VAV3: variants seen among roughly 807,000 people sequenced by gnomAD.
VAV3 encodes guanine nucleotide exchange factor VAV3.
In VAV3, 94 loss-of-function variants were observed where a neutral mutation model predicts 131.2. That is an observed-to-expected ratio of 0.72 (90% CI 0.61 to 0.85). The LOEUF (loss-of-function observed/expected upper bound fraction) is 0.85. Among genes scored for constraint, VAV3 ranks in the 40% least tolerant of loss-of-function variants. The pLI, the probability that VAV3 is intolerant of heterozygous loss-of-function variation, is 0.00. For missense variants in VAV3, 939 were observed against 1,002.7 expected, an observed-to-expected ratio of 0.94 and a Z score of 0.86; for synonymous variants, 349 against 342.0, an observed-to-expected ratio of 1.02 and a Z score of -0.22.
intron 19 of VAV3, among the ~76,000 whole-genome samples, chr1:107,644,935 AGT>A (rs1655623824): frequency 1.6e-5 from 1 of 63,844 alleles, no homozygotes; most frequent in Non-Finnish European, 4.1e-5. Flanking sequence ...TGTATACACT[AGT>A]ATACTCTGTA....
intron 15 of VAV3, among the ~76,000 whole-genome samples, chr1:107,725,640 G>A (rs1406340073): frequency 6.6e-6 from 1 of 151,938 alleles, no homozygotes; most frequent in Non-Finnish European, 1.5e-5. Context: ...TCAGCCTCCC[G>A]AGTAGCTGGG....
intron 20 of VAV3, among the ~76,000 whole-genome samples, chr1:107,627,798 G>A (rs1654141071): frequency 6.6e-6 from 1 of 152,052 alleles, no homozygotes; most frequent in Non-Finnish European, 1.5e-5. Flanking sequence ...ATACTTTAAT[G>A]GTCTTTCAAA....
chr1:107,856,034 G>A (rs575705703), intron 2 of VAV3, among the ~76,000 whole-genome samples: 3 of 152,332 alleles, frequency 2.0e-5, no homozygotes, highest in African/African-American at 7.2e-5. Context: ...AAGCACAGCT[G>A]GGCATGTTCT....
At position 107,573,158 on chromosome 1, in the gene VAV3, C is replaced by A. The variant is rs143546591; in HGVS notation, c.*173G>T. The A allele has an allele frequency of 5.5e-4, 387 of 697,470 alleles. 3 individuals are homozygous for A. In the Middle Eastern group the frequency reaches 0.013, roughly 23 times the overall value. 43.2% of individuals were successfully genotyped at this position (697,470 alleles called of 1,614,324 possible). A position where few individuals can be genotyped will look rare whatever the true frequency, so the allele number is the denominator to read the frequency against. ...TAGGCAAGCCATTAATCTGTCAGTA[C>A]CAGCATCTTTAGAAATCTCAGCATT... On this transcript the variant is annotated 3_prime_UTR_variant, in exon 27 of 27. Transcript: ENST00000370056.
intron 15 of VAV3, among the ~76,000 whole-genome samples, chr1:107,715,874 G>C (rs1391542450): frequency 6.6e-6 from 1 of 152,160 alleles, no homozygotes; most frequent in Non-Finnish European, 1.5e-5. Flanking sequence ...AGCTGGCACA[G>C]TGAATTTAAG....
At chr1:107,622,759 C>A (rs886257229) in intron 20 of VAV3, among the ~76,000 whole-genome samples, 2 of 152,106 alleles carry the variant, frequency 1.3e-5, no homozygotes, top group African/African-American at 4.8e-5. Flanking sequence ...CGACTGTCAC[C>A]CTGCCCAGTC....
intron 2 of VAV3, among the ~76,000 whole-genome samples, chr1:107,797,488 A>G (rs1666603801): frequency 6.6e-6 from 1 of 152,228 alleles, no homozygotes; most frequent in African/African-American, 2.4e-5. Context: ...TCAAATTTGA[A>G]GAACTACAAA....
chr1:107,741,119 G>A (rs996353197), intron 15 of VAV3, among the ~76,000 whole-genome samples: 1 of 152,196 alleles, frequency 6.6e-6, no homozygotes, highest in Non-Finnish European at 1.5e-5. Context: ...TTAGAACTCC[G>A]ACAGCTTCAT....
chr1:107,875,012 G>A lies in VAV3; in HGVS notation c.210C>T (p.Leu70=), dbSNP rs370815345. 3.2e-5 allele frequency: 51 copies of A among 1,612,124 alleles called. No homozygotes were observed. Among genetic ancestry groups the A allele is most frequent in the East Asian group, 1.3e-4 (6 of 44,846 alleles). ...GAAATGTCCTTATGTTCTTCAAACAGAGAAACTGAGGAATGGAAAAGAGCT... is the reference window on the plus strand; with the variant it reads ...GAAATGTCCTTATGTTCTTCAAACAAAGAAACTGAGGAATGGAAAAGAGCT... ...INLRPQMSQF[L]CLKNIRTFLT... Residue 70 remains leucine (L), a synonymous_variant, in exon 2 of 27, where the codon CTC becomes CTT. Coordinates refer to ENST00000370056, the MANE Select transcript of VAV3 (RefSeq NM_006113.5).
At chr1:107,585,713 T>A (rs748004480) in intron 25 of VAV3, among the ~76,000 whole-genome samples, 2 of 152,148 alleles carry the variant, frequency 1.3e-5, no homozygotes, top group Non-Finnish European at 2.9e-5. Flanking sequence ...ACTAGTGCCA[T>A]GTGATGGTGA....
intron 6 of VAV3, among the ~76,000 whole-genome samples, chr1:107,769,312 CTCTA>C (rs34725601): frequency 0.16 from 23,762 of 152,086 alleles, 2,003 homozygotes; most frequent in East Asian, 0.35. Flanking sequence ...TATTTTGTGA[CTCTA>C]TCTAAGAAGT....
intron 19 of VAV3, among the ~76,000 whole-genome samples, chr1:107,660,098 C>G (rs1051590688): frequency 5.3e-5 from 8 of 152,166 alleles, no homozygotes; most frequent in Non-Finnish European, 1.2e-4. Flanking sequence ...AATTCACCTT[C>G]AATTTACTCA....
rs1383939903 is a variant in VAV3 at position 107,958,016 on chromosome 1, C to T, written c.204+6650G>A. 2.0e-5 allele frequency among the ~76,000 whole-genome samples: 3 copies of T among 152,188 alleles called. No homozygotes were observed. In the East Asian group the frequency reaches 5.8e-4, roughly 29 times the overall value. ...AGAGAACCTAGGTTAAGCCACCAATCACGCAGACAGAACAAGTGCTTAAGA... is the reference window on the plus strand; with the variant it reads ...AGAGAACCTAGGTTAAGCCACCAATTACGCAGACAGAACAAGTGCTTAAGA... On this transcript the variant is annotated intron_variant, in intron 1 of 26. Coordinates refer to ENST00000370056, the MANE Select transcript of VAV3 (RefSeq NM_006113.5).
At chr1:107,770,894 T>C (rs1052933386) in intron 5 of VAV3, among the ~76,000 whole-genome samples, 166 bp from the exon 6 acceptor site, 1 of 152,188 alleles carries the variant, frequency 6.6e-6, no homozygotes, top group African/African-American at 2.4e-5. Flanking sequence ...GCTGTTTTTA[T>C]AAAAATCGTG....
intron 22 of VAV3, among the ~76,000 whole-genome samples, chr1:107,604,230 C>T (rs1201493223): frequency 6.6e-6 from 1 of 152,096 alleles, no homozygotes; most frequent in Non-Finnish European, 1.5e-5. Context: ...CACATATAGA[C>T]CCACGTAACT....
intron 1 of VAV3, among the ~76,000 whole-genome samples, chr1:107,914,768 A>G (rs1036667191): frequency 1.3e-5 from 2 of 152,196 alleles, no homozygotes; most frequent in Admixed American, 6.5e-5. Context: ...ATGGTCCTAT[A>G]GCCAGCACTG....
At chr1:107,676,354 A>G (rs1242784022) in intron 19 of VAV3, among the ~76,000 whole-genome samples, 2 of 152,202 alleles carry the variant, frequency 1.3e-5, no homozygotes, top group Non-Finnish European at 2.9e-5. Flanking sequence ...TACTGAGAGA[A>G]AGATGTTCTA....
intron 2 of VAV3, among the ~76,000 whole-genome samples, chr1:107,858,019 C>T (rs1571052394): frequency 1.3e-5 from 2 of 152,102 alleles, no homozygotes; most frequent in South Asian, 4.2e-4. Flanking sequence ...AAATGTTAAT[C>T]CTGAACAAAC....
At chr1:107,851,758 C>A (rs1178356540) in intron 2 of VAV3, among the ~76,000 whole-genome samples, 2 of 152,136 alleles carry the variant, frequency 1.3e-5, no homozygotes, top group Non-Finnish European at 2.9e-5. Context: ...CACCATTAGG[C>A]AGCATCAGCT....
Sources: gnomAD v4.1 joint callset for allele counts (sites outside exome capture counted in the v4.1 genomes callset) on GRCh38, gnomAD v4.1.1 for gene constraint, MANE v1.5 for transcripts, NCBI Gene and HGNC (gene_info 2026-07-23, HGNC 2026-07-21) for gene names.